The following ALDH4A1 variants were observed in gnomAD, a reference collection of about 807,000 sequenced individuals.
ALDH4A1 encodes delta-1-pyrroline-5-carboxylate dehydrogenase, mitochondrial.
A neutral mutation model predicts 70.5 loss-of-function variants in ALDH4A1; 46 were observed. The ratio of observed to expected loss-of-function variants is 0.65; its 90% CI spans 0.51 to 0.83. The LOEUF (loss-of-function observed/expected upper bound fraction) is 0.83. Ranked by LOEUF, ALDH4A1 falls within the 40% of genes least tolerant of loss-of-function variation. The pLI, the probability that ALDH4A1 is intolerant of heterozygous loss-of-function variation, is 0.00. For missense variants in ALDH4A1, 749 were observed against 766.5 expected, an observed-to-expected ratio of 0.98 and a Z score of 0.27; for synonymous variants, 323 against 324.3, an observed-to-expected ratio of 1.00 and a Z score of 0.04.
chr1:18,891,464 A>G (rs886993104), intron 1 of ALDH4A1, among the ~76,000 whole-genome samples: 2 of 151,670 alleles, frequency 1.3e-5, no homozygotes, highest in East Asian at 3.9e-4. Context: ...AACAGCTGGA[A>G]GTGCACAGGT....
intron 12 of ALDH4A1, among the ~76,000 whole-genome samples, chr1:18,875,886 G>T (rs548726947): frequency 6.6e-6 from 1 of 152,172 alleles, no homozygotes; most frequent in Non-Finnish European, 1.5e-5. Context: ...GGGCTGGGGG[G>T]AAGATCTTCT....
intron 2 of ALDH4A1, 141 bp from the exon 3 acceptor site, chr1:18,889,595 G>A: frequency 1.3e-6 from 1 of 743,334 alleles, no homozygotes; most frequent in Non-Finnish European, 2.3e-6. Flanking sequence ...GTGGCCATCA[G>A]AGAACATGTG....
rs553812566 is a variant in ALDH4A1 at position 18,892,225 on chromosome 1, C to T, written c.63-2120G>A. 2.0e-5 allele frequency among the ~76,000 whole-genome samples: 3 copies of T among 152,218 alleles called. No homozygotes were observed. The East Asian group carries it at 5.8e-4, about 29-fold the overall frequency. ...GCCTGGGAAGCCTGAAGGAAGGACA[C>T]AAAACCAAAGGAGTGTGGCCAGGCC... On this transcript the variant is annotated intron_variant, in intron 1 of 14. Transcript: ENST00000375341.
Position 18,875,452 on chromosome 1 carries a change from T to C in ALDH4A1, c.1390A>G (p.Lys464Glu). The stretch of plus-strand genomic sequence containing the variant: ...CTGTCAACCAGCTGCAGCGTCTCCT[T>C]GTACTTGTCATCCGGGTAGACGTAC... ...SVYVYPDDKYKETLQLVDSTT... is the reference protein window; with the variant it reads ...SVYVYPDDKYEETLQLVDSTT... Residue 464 changes from lysine to glutamate, a missense_variant, in exon 13 of 15, where the codon AAG becomes GAG. By Grantham distance (56) the Lys-to-Glu change is moderately conservative. Transcript: ENST00000375341. 2 of 1,614,130 alleles carry C rather than the reference T, an allele frequency of 1.2e-6. No homozygotes were observed. The highest frequency in any genetic ancestry group is 1.7e-6 in the Non-Finnish European group (2 of 1,180,004).
chr1:18,874,637 G>A, intron 13 of ALDH4A1, 56 bp from the exon 14 acceptor site: 1 of 1,562,440 alleles, frequency 6.4e-7, no homozygotes, highest in South Asian at 1.1e-5. Context: ...TCCAGCCCCA[G>A]CTCCAGCCTC....
rs866710153 is a variant in ALDH4A1 at position 18,875,475 on chromosome 1, T to A, written c.1367A>T (p.Tyr456Phe). 6.2e-7 allele frequency: 1 copy of A among 1,614,034 alleles called. No homozygotes were observed. The highest frequency in any genetic ancestry group is 8.5e-7 in the Non-Finnish European group (1 of 1,179,988). The change falls in exon 13 of 15, where the codon TAC becomes TTC. Residue 456 changes from tyrosine (Y) to phenylalanine (F), a missense_variant. Tyr to Phe is a conservative substitution (Grantham distance 22, BLOSUM62 3). Coordinates refer to ENST00000375341, the MANE Select transcript of ALDH4A1 (RefSeq NM_003748.4). ...EEIFGPVLSV[Y>F]VYPDDKYKET... ...CTTGTACTTGTCATCCGGGTAGACG[T>A]ACACAGACAGTACAGGCCCGAAGAT...
intron 1 of ALDH4A1, among the ~76,000 whole-genome samples, chr1:18,893,314 G>A (rs368739421): frequency 2.6e-5 from 4 of 152,220 alleles, no homozygotes; most frequent in African/African-American, 9.6e-5. Flanking sequence ...AGAGCAGCGT[G>A]AGCTATGTGA....
chr1:18,887,314 T>C (rs1569770144), intron 3 of ALDH4A1, among the ~76,000 whole-genome samples: 1 of 152,238 alleles, frequency 6.6e-6, no homozygotes, highest in African/African-American at 2.4e-5. Context: ...GAAACTTCCC[T>C]GTTGGCCGGG....
chr1:18,883,049 A>G lies in ALDH4A1; in HGVS notation c.678+75T>C, dbSNP rs6426611. 0.99 allele frequency: 1,584,173 copies of G among 1,593,238 alleles called. 787,985 individuals are homozygous for G. Among genetic ancestry groups the G allele is most frequent in the East Asian group, 1 (44,741 of 44,742 alleles). On this transcript the variant is annotated intron_variant, in intron 7 of 14. Coordinates refer to ENST00000375341, the MANE Select transcript of ALDH4A1 (RefSeq NM_003748.4). ...GACTAGGCTGAGACCCAAGGGGCTC[A>G]GGGTGGCCTCTGTCTGTCTGTTGGG...
In ALDH4A1 at chr1:18,877,572, G is replaced by C. The variant is rs1934766997; in HGVS notation, c.981C>G (p.Ala327=). The change falls in exon 10 of 15, where the codon GCC becomes GCG. Residue 327 remains alanine, a synonymous_variant. Transcript: ENST00000375341. ...TCCCGCTCACCACGCTCTCCACGTC[G>C]GCCGAGCGGTGCACGAAGTGGAAGT... ...GKNFHFVHRS[A]DVESVVSGTL... The C allele has an allele frequency of 1.2e-6, 2 of 1,611,218 alleles. No individual in the cohort carries two copies. Among genetic ancestry groups the C allele is most frequent in the Non-Finnish European group, 1.7e-6 (2 of 1,179,500 alleles).
At chr1:18,889,795 G>A (rs1195923463) in intron 2 of ALDH4A1, among the ~76,000 whole-genome samples, 1 of 152,214 alleles carries the variant, frequency 6.6e-6, no homozygotes, top group African/African-American at 2.4e-5. Context: ...CATCTGACCT[G>A]GCCTGAGAAG....
rs1364136063 is a variant in ALDH4A1 at position 18,880,720 on chromosome 1, G to A, written c.866+980C>T. Reference sequence around the variant, plus strand: ...GCAAGATCAGAGCATCCAGGTCCAGGGGACCAAGACAGGCCAATATTTGGA... The same window carrying A: ...GCAAGATCAGAGCATCCAGGTCCAGAGGACCAAGACAGGCCAATATTTGGA... On this transcript the variant is annotated intron_variant, in intron 8 of 14. Transcript: ENST00000375341. The surrounding 1 kb of genome is among the most constrained non-coding windows in gnomAD (Gnocchi z 5.1). Among the ~76,000 whole-genome samples, 4 of 152,160 alleles carry A rather than the reference G, an allele frequency of 2.6e-5. No homozygotes were observed. Among genetic ancestry groups the A allele is most frequent in the Non-Finnish European group, 4.4e-5 (3 of 68,024 alleles).
intron 5 of ALDH4A1, among the ~76,000 whole-genome samples, chr1:18,884,119 G>A (rs1935098888): frequency 6.6e-6 from 1 of 152,212 alleles, no homozygotes; most frequent in South Asian, 2.1e-4. Context: ...GAGCTAAGAT[G>A]TGTACCTTGC....
rs964770193 is a variant in ALDH4A1, at chr1:18,880,769, T to A, written c.866+931A>T. Reference sequence around the variant, plus strand: ...GATTTATCTATGAAATTGTCCCAATTATACAAAGTTGGGCCATCACTGTTA... The same window carrying A: ...GATTTATCTATGAAATTGTCCCAATAATACAAAGTTGGGCCATCACTGTTA... On this transcript the variant is annotated intron_variant, in intron 8 of 14. Transcript: ENST00000375341. This position sits in a 1 kb window ranked among gnomAD's most constrained non-coding sequence, Gnocchi z 5.1. 2.6e-5 allele frequency among the ~76,000 whole-genome samples: 4 copies of A among 152,096 alleles called. No homozygotes were observed. The highest frequency in any genetic ancestry group is 5.9e-5 in the Non-Finnish European group (4 of 67,996).
Position 18,902,500 on chromosome 1 carries a change from G to T in ALDH4A1, c.24C>A (p.Leu8=). The T allele has an allele frequency of 6.8e-7, 1 of 1,480,768 alleles. No homozygotes were observed. The highest frequency in any genetic ancestry group is 9.0e-7 in the Non-Finnish European group (1 of 1,116,390). 91.7% of individuals were successfully genotyped at this position (1,480,768 alleles called of 1,614,324 possible). MLLPAPA[L]RRALLSRPWT... is the part of the protein sequence containing the mutation. The stretch of plus-strand genomic sequence containing the variant: ...AGGGGCGGGACAGCAGGGCGCGGCG[G>T]AGCGCGGGCGCCGGCAGCAGCATCT... Residue 8 remains leucine (L), a synonymous_variant, in exon 1 of 15, where the codon CTC becomes CTA. Coordinates refer to ENST00000375341, the MANE Select transcript of ALDH4A1 (RefSeq NM_003748.4).
At chr1:18,884,496 C>T (rs1275896665) in intron 5 of ALDH4A1, among the ~76,000 whole-genome samples, 3 of 152,150 alleles carry the variant, frequency 2.0e-5, no homozygotes, top group Admixed American at 6.5e-5. Context: ...CCCCCGCACA[C>T]TCTGCCTGCT....
In ALDH4A1 at chr1:18,874,645, C is replaced by T. The variant is rs1934593747; in HGVS notation, c.1461-64G>A. 19 of 1,492,390 alleles carry T rather than the reference C, an allele frequency of 1.3e-5. No individual in the cohort carries two copies. In the South Asian group the frequency reaches 1.8e-4, roughly 14 times the overall value. The allele number at this position is 1,492,390 out of a possible 1,614,324, so 92.4% of individuals were successfully genotyped here. A position where few individuals can be genotyped will look rare whatever the true frequency, so the allele number is the denominator to read the frequency against. On this transcript the variant is annotated intron_variant, in intron 13 of 14. Coordinates refer to ENST00000375341, the MANE Select transcript of ALDH4A1 (RefSeq NM_003748.4). ...TCTCCCCTCCAGCCCCAGCTCCAGC[C>T]TCAACACCCCTGCTCCAGCCCACAC...
chr1:18,899,334 C>T (rs1935722814), intron 1 of ALDH4A1, among the ~76,000 whole-genome samples: 1 of 152,222 alleles, frequency 6.6e-6, no homozygotes, highest in African/African-American at 2.4e-5. Context: ...AGGATCACTG[C>T]AGGGGACACG....
At chr1:18,876,633 AC>A (rs1208483589) in intron 11 of ALDH4A1, among the ~76,000 whole-genome samples, 166 bp from the exon 12 acceptor site, 1 of 113,630 alleles carries the variant, frequency 8.8e-6, no homozygotes, top group Admixed American at 9.7e-5. Context: ...TGGCTGAGCC[AC>A]AGCAGAGACA....
Sources: gnomAD v4.1 joint callset for allele counts (sites outside exome capture counted in the v4.1 genomes callset) on GRCh38, gnomAD v4.1.1 for gene constraint, Gnocchi (gnomAD v3.1) non-coding constraint, MANE v1.5 for transcripts, NCBI Gene and HGNC (gene_info 2026-07-23, HGNC 2026-07-21) for gene names.